DNAH6: variants seen among roughly 807,000 people sequenced by gnomAD.
DNAH6 encodes dynein axonemal heavy chain 6.
DNAH6 carries 340 observed loss-of-function variants against 491.4 expected under a neutral mutation model. That is an observed-to-expected ratio of 0.69 (90% CI 0.63 to 0.76). The LOEUF is 0.76. Ranked by LOEUF, DNAH6 falls within the 30% of genes least tolerant of loss-of-function variation. DNAH6 has a pLI of 0.00. For synonymous variants in DNAH6, 1,603 were observed against 1,686.1 expected (o/e 0.95, Z 1.21); for missense variants, 4,443 against 4,972.2 (o/e 0.89, Z 3.20).
intron 14 of DNAH6, among the ~76,000 whole-genome samples, chr2:84,583,110 TG>T (rs1206778394): frequency 2.6e-5 from 4 of 152,220 alleles, no homozygotes; most frequent in Admixed American, 1.3e-4. Context: ...CAAGCAATAC[TG>T]TCCACTGGAA....
chr2:84,479,203 G>C, the DNAH6 span, among the ~76,000 whole-genome samples: 1 of 152,228 alleles, frequency 6.6e-6, no homozygotes, highest in Non-Finnish European at 1.5e-5. Context: ...GTTCAGGGCA[G>C]GTGGTTTTAG....
the DNAH6 span, among the ~76,000 whole-genome samples, chr2:84,479,067 T>C: frequency 6.6e-6 from 1 of 152,218 alleles, no homozygotes; most frequent in Non-Finnish European, 1.5e-5. Flanking sequence ...TCTCTGATGC[T>C]ACGCCATCAA....
chr2:84,709,407 T>C lies in DNAH6; in HGVS notation c.9113T>C (p.Leu3038Pro). 6.4e-7 allele frequency: 1 copy of C among 1,551,706 alleles called. No homozygotes were observed. The highest frequency in any genetic ancestry group is 8.7e-7 in the Non-Finnish European group (1 of 1,147,008). The change falls in exon 55 of 77, where the codon CTC becomes CCC. Residue 3038 changes from leucine to proline, a missense_variant. Physicochemically the swap from Leu to Pro is moderately conservative, Grantham distance 98. Transcript: ENST00000389394. ...ATCCCAATCGATCCTTCCTTCAGTC[T>C]CATTAACATTCTTGGAGATCCCTAC... ...LEIPIDPSFSLINILGDPYEI... is the reference protein window; with the variant it reads ...LEIPIDPSFSPINILGDPYEI...
At chr2:84,633,786 A>C (rs1688618047) in intron 29 of DNAH6, among the ~76,000 whole-genome samples, 1 of 151,832 alleles carries the variant, frequency 6.6e-6, no homozygotes, top group South Asian at 2.1e-4. Context: ...GTCACAGAAA[A>C]GGAGAGAGAT....
intron 41 of DNAH6, among the ~76,000 whole-genome samples, chr2:84,680,851 T>A (rs1472089343): frequency 6.6e-6 from 1 of 152,018 alleles, no homozygotes; most frequent in African/African-American, 2.4e-5. Flanking sequence ...GGGAGGTGTA[T>A]AAAGAGACTT....
At chr2:84,555,625 C>G (rs533257426) in intron 10 of DNAH6, among the ~76,000 whole-genome samples, 2 of 152,276 alleles carry the variant, frequency 1.3e-5, no homozygotes, top group South Asian at 2.1e-4. Context: ...AGATCCAATA[C>G]TTTTCTTTTA....
At chr2:84,511,509 C>T (rs1675328789), upstream of DNAH6, among the ~76,000 whole-genome samples, 1 of 152,146 alleles carries the variant, frequency 6.6e-6, no homozygotes, top group African/African-American at 2.4e-5. Context: ...TTCCCTGACC[C>T]CTTGTGCTTC....
intron 49 of DNAH6, 56 bp from the exon 50 acceptor site, chr2:84,703,339 C>G: frequency 7.8e-7 from 1 of 1,277,156 alleles, no homozygotes; most frequent in Non-Finnish European, 1.0e-6. Flanking sequence ...TGTTCGATAC[C>G]AGTAAACTTA....
At chr2:84,602,014 A>G (rs540874341) in intron 18 of DNAH6, among the ~76,000 whole-genome samples, 1 of 152,022 alleles carries the variant, frequency 6.6e-6, no homozygotes, top group African/African-American at 2.4e-5. Flanking sequence ...TACACACCCA[A>G]TTAATTCCTC....
At chr2:84,776,260 C>A (rs532580941) in intron 64 of DNAH6, among the ~76,000 whole-genome samples, 2 of 152,214 alleles carry the variant, frequency 1.3e-5, no homozygotes, top group Non-Finnish European at 2.9e-5. Flanking sequence ...AAACATCCAT[C>A]TGGCTCAAGG....
chr2:84,632,523 TTTG>T (rs1245648314), intron 29 of DNAH6, among the ~76,000 whole-genome samples: 1 of 152,232 alleles, frequency 6.6e-6, no homozygotes, highest in Non-Finnish European at 1.5e-5. Context: ...TGGAATTTTC[TTTG>T]TTACTTCCTT....
At chr2:84,521,471 G>C (rs961884798) in intron 2 of DNAH6, among the ~76,000 whole-genome samples, 29 of 152,034 alleles carry the variant, frequency 1.9e-4, no homozygotes, top group African/African-American at 7.0e-4. Flanking sequence ...AAGTTCTTAA[G>C]TTTAATTAGA....
chr2:84,608,534 C>G (rs1686000832), intron 21 of DNAH6, among the ~76,000 whole-genome samples: 1 of 152,150 alleles, frequency 6.6e-6, no homozygotes, highest in Admixed American at 6.6e-5. Flanking sequence ...GTTACCAGGT[C>G]CATTGTCAAT....
intron 17 of DNAH6, 37 bp downstream of exon 17, chr2:84,594,122 T>G: frequency 9.1e-7 from 1 of 1,098,976 alleles, no homozygotes; most frequent in Non-Finnish European, 1.3e-6. Flanking sequence ...AAATTATTTT[T>G]GTATGAATTA....
At chr2:84,796,096 G>C (rs562875864) in intron 68 of DNAH6, among the ~76,000 whole-genome samples, 1 of 152,152 alleles carries the variant, frequency 6.6e-6, no homozygotes, top group South Asian at 2.1e-4. Flanking sequence ...AAAATAATGA[G>C]AGTAGAGTAC....
In DNAH6 at chr2:84,757,565, AG is replaced by A. The variant is rs554030672; in HGVS notation, c.10513-5188del. Among the ~76,000 whole-genome samples, 27 of 152,352 alleles carry A rather than the reference AG, an allele frequency of 1.8e-4. No individual in the cohort carries two copies. In the East Asian group the frequency reaches 4.8e-3, roughly 27 times the overall value. The stretch of plus-strand genomic sequence containing the variant: ...ACTGATGGTTTCAACATCAGGAAGC[AG>A]GCCTGGTTCATTTATACTGACTAGA... On this transcript the variant is annotated intron_variant, in intron 63 of 76. Transcript: ENST00000389394.
At chr2:84,488,791 C>T in the DNAH6 span, among the ~76,000 whole-genome samples, 2 of 152,162 alleles carry the variant, frequency 1.3e-5, no homozygotes, top group African/African-American at 2.4e-5. Flanking sequence ...AGGATGAGGA[C>T]CTAAACATCT....
chr2:84,544,720 T>G (rs536080478), intron 5 of DNAH6, among the ~76,000 whole-genome samples: 3 of 152,270 alleles, frequency 2.0e-5, no homozygotes, highest in Admixed American at 6.5e-5. Flanking sequence ...AGAAGAGAGT[T>G]GCACAGGTCC....
In DNAH6 at chr2:84,688,345, A is replaced by T. The variant is rs41490447; in HGVS notation, c.7138-94A>T. 165,400 of 1,051,956 alleles carry T rather than the reference A, an allele frequency of 0.16. 13,680 individuals carry two copies. The highest frequency in any genetic ancestry group is 0.16 in the Non-Finnish European group (127,298 of 780,536). 65.2% of individuals were successfully genotyped at this position (1,051,956 alleles called of 1,614,324 possible). A position where few individuals can be genotyped will look rare whatever the true frequency, so the allele number is the denominator to read the frequency against. ...TTATTGCAAAGACCTTCAAAATTCC[A>T]GTGTAGCTCTTGAAGAAGTTAAATG... On this transcript the variant is annotated intron_variant, in intron 44 of 76. Coordinates refer to ENST00000389394, the MANE Select transcript of DNAH6 (RefSeq NM_001370.2).
Sources: gnomAD v4.1 joint callset for allele counts (sites outside exome capture counted in the v4.1 genomes callset) on GRCh38, gnomAD v4.1.1 for gene constraint, MANE v1.5 for transcripts, NCBI Gene and HGNC (gene_info 2026-07-23, HGNC 2026-07-21) for gene names.